YAF2: variants seen among roughly 807,000 people sequenced by gnomAD.
The protein encoded by YAF2 is YY1-associated factor 2.
YAF2 carries 7 observed loss-of-function variants against 20.1 expected under a neutral mutation model. The observed-to-expected ratio is 0.35, with a 90% confidence interval of 0.20 to 0.65. The LOEUF (loss-of-function observed/expected upper bound fraction) is 0.65, where lower values mean the gene tolerates loss of function less well. Among genes scored for constraint, YAF2 ranks in the 30% least tolerant of loss-of-function variants. The pLI is 0.69. For synonymous variants in YAF2, 74 were observed against 76.0 expected (o/e 0.97, Z 0.14); for missense variants, 151 against 219.2 (o/e 0.69, Z 1.96).
chr12:42,216,162 C>T (rs2067352346), intron 2 of YAF2, among the ~76,000 whole-genome samples: 1 of 152,014 alleles, frequency 6.6e-6, no homozygotes, highest in South Asian at 2.1e-4. Flanking sequence ...TAGTTACTAA[C>T]ATAATTTTAC....
At chr12:42,182,654 C>G (rs1225215190) in intron 2 of YAF2, among the ~76,000 whole-genome samples, 1 of 152,334 alleles carries the variant, frequency 6.6e-6, no homozygotes, top group African/African-American at 2.4e-5. Flanking sequence ...CAAAAATACA[C>G]TTCCCACACT....
chr12:42,180,777 C>T (rs1565610319), intron 2 of YAF2, among the ~76,000 whole-genome samples: 1 of 151,960 alleles, frequency 6.6e-6, no homozygotes, highest in East Asian at 1.9e-4. Context: ...GGCAGAACCC[C>T]ATCTCTACTA....
chr12:42,209,258 A>C (rs1050882678), intron 2 of YAF2, among the ~76,000 whole-genome samples: 1 of 133,532 alleles, frequency 7.5e-6, no homozygotes, highest in East Asian at 2.0e-4. Flanking sequence ...AAGTGCTAGG[A>C]AAAAAAAAAA....
In YAF2 at chr12:42,157,838, C is replaced by G. The variant is rs1264735071; in HGVS notation, c.*2751G>C. On this transcript the variant is annotated 3_prime_UTR_variant, in exon 4 of 4. Coordinates refer to ENST00000534854, the MANE Select transcript of YAF2 (RefSeq NM_005748.6). ...TAGAGATGAGCTTTCACCATGTTGC[C>G]CAGGCTGGTCCTGGGCTCAAAATAT... 6.6e-6 allele frequency: 1 copy of G among 151,584 alleles called. No individual in the cohort carries two copies. Among genetic ancestry groups the G allele is most frequent in the Non-Finnish European group, 1.5e-5 (1 of 67,938 alleles). The allele number at this position is 151,584 out of a possible 1,614,324, so 9.4% of individuals were successfully genotyped here.
At chr12:42,188,942 T>C (rs2066542834) in intron 2 of YAF2, among the ~76,000 whole-genome samples, 1 of 152,122 alleles carries the variant, frequency 6.6e-6, no homozygotes, top group Non-Finnish European at 1.5e-5. Context: ...ACTCAGAACG[T>C]AGTATACTTT....
chr12:42,237,943 C>T, intron 1 of YAF2: 1 of 438,858 alleles, frequency 2.3e-6, no homozygotes, highest in Non-Finnish European at 3.2e-6. Flanking sequence ...GCCGCTCTGA[C>T]ACCCGGGCGG....
chr12:42,198,299 GAA>G (rs2066806754), intron 2 of YAF2, among the ~76,000 whole-genome samples: 1 of 152,114 alleles, frequency 6.6e-6, no homozygotes, highest in East Asian at 1.9e-4. Flanking sequence ...TTATCAGAAT[GAA>G]GCCAGGCACA....
chr12:42,190,872 T>C (rs959882957), intron 2 of YAF2, among the ~76,000 whole-genome samples: 5 of 152,098 alleles, frequency 3.3e-5, no homozygotes, highest in Non-Finnish European at 7.4e-5. Flanking sequence ...AATTTCATTG[T>C]AGAGTATGTG....
chr12:42,226,482 GGA>G (rs2067701407), intron 2 of YAF2, among the ~76,000 whole-genome samples: 2 of 152,102 alleles, frequency 1.3e-5, no homozygotes, highest in South Asian at 4.2e-4. Flanking sequence ...GGCAACATAG[GGA>G]GACACCCCCT....
At chr12:42,192,582 G>T (rs866382789) in intron 2 of YAF2, among the ~76,000 whole-genome samples, 1 of 152,188 alleles carries the variant, frequency 6.6e-6, no homozygotes, top group Admixed American at 6.5e-5. Context: ...TACTTTTAAG[G>T]ATGTTAAGTG....
At chr12:42,197,774 T>C (rs1294401978) in intron 2 of YAF2, among the ~76,000 whole-genome samples, 1 of 152,212 alleles carries the variant, frequency 6.6e-6, no homozygotes, top group Non-Finnish European at 1.5e-5. Context: ...GAGTAAAGTC[T>C]GAGAGGATTT....
chr12:42,210,944 T>C (rs576725051), intron 2 of YAF2: 15 of 231,792 alleles, frequency 6.5e-5, no homozygotes, highest in Non-Finnish European at 1.2e-4. Context: ...GGCTATTTCA[T>C]TTTGCTGAAA....
At chr12:42,208,485 C>T (rs536845353) in intron 2 of YAF2, among the ~76,000 whole-genome samples, 7 of 151,996 alleles carry the variant, frequency 4.6e-5, no homozygotes, top group Admixed American at 2.0e-4. Context: ...AATAGCAATA[C>T]AACCTAAAGC....
At chr12:42,169,577 C>T (rs2065993615) in intron 2 of YAF2, among the ~76,000 whole-genome samples, 1 of 151,878 alleles carries the variant, frequency 6.6e-6, no homozygotes, top group African/African-American at 2.4e-5. Flanking sequence ...CCACACCGGG[C>T]TAATTTTTGT....
At chr12:42,227,830 G>A (rs370472867) in intron 2 of YAF2, among the ~76,000 whole-genome samples, 27,043 of 137,048 alleles carry the variant, frequency 0.2, 2,704 homozygotes, top group Admixed American at 0.24. Flanking sequence ...CAGCCGTGCC[G>A]TCCGGGAGGG....
intron 2 of YAF2, among the ~76,000 whole-genome samples, chr12:42,164,927 C>G (rs935102259): frequency 6.6e-6 from 1 of 151,714 alleles, no homozygotes; most frequent in Non-Finnish European, 1.5e-5. Context: ...CAGAAATTGG[C>G]CAGTAAAGGT....
chr12:42,228,339 G>C (rs1402235546), intron 2 of YAF2, among the ~76,000 whole-genome samples: 17 of 73,500 alleles, frequency 2.3e-4, no homozygotes, highest in Admixed American at 4.6e-4. Flanking sequence ...CCCCATCCGG[G>C]AGGTGAGGGG....
intron 2 of YAF2, among the ~76,000 whole-genome samples, chr12:42,169,111 C>A (rs1184337673): frequency 6.6e-6 from 1 of 152,186 alleles, no homozygotes; most frequent in Non-Finnish European, 1.5e-5. Context: ...GTCTTCACTT[C>A]TACCTTTCCA....
chr12:42,237,631 C>A lies in YAF2; in HGVS notation c.120G>T (p.Met40Ile), dbSNP rs1441298813. 1 of 1,562,970 alleles carries A rather than the reference C, an allele frequency of 6.4e-7. No homozygotes were observed. The highest frequency in any genetic ancestry group is 1.4e-5 in the African/African-American group (1 of 72,972). Residue 40 changes from methionine to isoleucine, a missense_variant, in exon 2 of 4, where the codon ATG becomes ATT. Met to Ile is a conservative substitution (Grantham distance 10). This residue lies in a region of YAF2 where 50 missense variants were observed against 58.3 expected (regional missense o/e 0.86). Transcript: ENST00000534854. ...FRNSAEAFKCMMCDVRKGTST... is the reference protein window; with the variant it reads ...FRNSAEAFKCIMCDVRKGTST... The stretch of plus-strand genomic sequence containing the variant: ...AGGTGCCCTTCCGCACATCGCACAT[C>A]ATGCACTTGAAGGCCTCGGCGCTGT...
Sources: gnomAD v4.1 joint callset for allele counts (sites outside exome capture counted in the v4.1 genomes callset) on GRCh38, gnomAD v4.1.1 for gene constraint, gnomAD v4.1.1 regional missense constraint, MANE v1.5 for transcripts, NCBI Gene and HGNC (gene_info 2026-07-23, HGNC 2026-07-21) for gene names.